The following CNBD1 variants were observed in gnomAD, a reference collection of about 807,000 sequenced individuals.
CNBD1 encodes cyclic nucleotide binding domain containing 1.
Under a neutral mutation model 54.4 loss-of-function variants are expected in CNBD1, and 71 were observed. The ratio of observed to expected loss-of-function variants is 1.30; its 90% CI spans 1.08 to 1.59. CNBD1 has a LOEUF of 1.59. Among genes scored for constraint, CNBD1 ranks in the 40% most tolerant of loss-of-function variants. The probability of loss-of-function intolerance (pLI) is 0.00; values close to 1 mark genes in which losing one functional copy is unlikely to be tolerated. For missense variants in CNBD1, 659 were observed against 518.0 expected (o/e 1.27, Z -2.64); for synonymous variants, 182 against 170.7 (o/e 1.07, Z -0.51).
chr8:87,162,649 A>T (rs1812881530), intron 4 of CNBD1, among the ~76,000 whole-genome samples: 1 of 152,088 alleles, frequency 6.6e-6, no homozygotes, highest in Admixed American at 6.6e-5. Flanking sequence ...ATTTTTCCAC[A>T]GCTATGTAAG....
intron 10 of CNBD1, among the ~76,000 whole-genome samples, chr8:87,368,396 G>A (rs1810687380): frequency 1.3e-5 from 2 of 152,080 alleles, no homozygotes; most frequent in Admixed American, 1.3e-4. Context: ...AGCATTTTAG[G>A]AGGCTGAAGT....
intron 4 of CNBD1, among the ~76,000 whole-genome samples, chr8:87,120,295 C>T (rs1811863803): frequency 6.6e-6 from 1 of 151,942 alleles, no homozygotes; most frequent in Non-Finnish European, 1.5e-5. Flanking sequence ...CTGATTCAAT[C>T]GTGGTAGGCT....
At chr8:87,355,179 C>T (rs953150287) in intron 10 of CNBD1, among the ~76,000 whole-genome samples, 5 of 152,194 alleles carry the variant, frequency 3.3e-5, no homozygotes, top group African/African-American at 9.6e-5. Flanking sequence ...TACACTGCCC[C>T]TTTTATAATA....
downstream of CNBD1, among the ~76,000 whole-genome samples, chr8:87,386,735 C>G (rs1370473762): frequency 1.3e-5 from 2 of 152,122 alleles, no homozygotes; most frequent in African/African-American, 4.8e-5. Context: ...GGCCAACATT[C>G]AAATTCAGGA....
Position 87,308,990 on chromosome 8 carries a change from C to A in CNBD1, c.1042+22319C>A, listed in dbSNP as rs140103584. 2.6e-4 allele frequency among the ~76,000 whole-genome samples: 39 copies of A among 152,204 alleles called. No homozygotes were observed. In the East Asian group the frequency reaches 7.0e-3, roughly 27 times the overall value. On this transcript the variant is annotated intron_variant, in intron 8 of 10. Transcript: ENST00000518476. Reference sequence around the variant, plus strand: ...CCACATTTTCTTTATCCATTCATTTCTTGATGGACATTTACATAGATTCCA... The same window carrying A: ...CCACATTTTCTTTATCCATTCATTTATTGATGGACATTTACATAGATTCCA...
At chr8:87,360,494 T>C (rs1036506584) in intron 10 of CNBD1, among the ~76,000 whole-genome samples, 1 of 151,878 alleles carries the variant, frequency 6.6e-6, no homozygotes, top group African/African-American at 2.4e-5. Context: ...ATGTAGTTTA[T>C]TATTATTTTT....
intron 1 of CNBD1, among the ~76,000 whole-genome samples, chr8:86,883,636 A>C (rs1461549639): frequency 6.6e-6 from 1 of 152,168 alleles, no homozygotes; most frequent in Non-Finnish European, 1.5e-5. Context: ...CAAACATCAC[A>C]CAGGGCGTAG....
At chr8:87,349,682 A>G (rs1810245654) in intron 8 of CNBD1, among the ~76,000 whole-genome samples, 1 of 152,036 alleles carries the variant, frequency 6.6e-6, no homozygotes, top group South Asian at 2.1e-4. Context: ...ACCAGAATAT[A>G]TGATTTTTAT....
chr8:87,327,133 G>A (rs1187768787), intron 8 of CNBD1, among the ~76,000 whole-genome samples: 1 of 143,164 alleles, frequency 7.0e-6, no homozygotes, highest in Non-Finnish European at 1.5e-5. Context: ...AGGGGTCAGG[G>A]ACCCACTTGA....
rs146472328 is a variant in CNBD1, at chr8:87,179,286, G to A, written c.432-26707G>A. On this transcript the variant is annotated intron_variant, in intron 4 of 10. Coordinates refer to ENST00000518476, the MANE Select transcript of CNBD1 (RefSeq NM_173538.3). ...TATTTGGAGTTAATTGGAGATAAAA[G>A]ATATTCATAAAATAATGTATAGAAT... is the stretch of plus-strand genomic sequence containing the variant. Among the ~76,000 whole-genome samples the A allele has an allele frequency of 6.7e-3, 1,011 of 151,944 alleles. 11 individuals are homozygous for A. Among genetic ancestry groups the A allele is most frequent in the African/African-American group, 0.023 (948 of 41,256 alleles).
At chr8:87,319,574 A>T (rs1809476911) in intron 8 of CNBD1, among the ~76,000 whole-genome samples, 3 of 152,100 alleles carry the variant, frequency 2.0e-5, no homozygotes. Context: ...CTATACAAAA[A>T]AGTTACAGGA....
chr8:86,992,219 A>G (rs1440964175), intron 4 of CNBD1, among the ~76,000 whole-genome samples: 1 of 151,852 alleles, frequency 6.6e-6, no homozygotes, highest in Non-Finnish European at 1.5e-5. Context: ...TGTTTAGTAT[A>G]GTTAAGTCTT....
intron 4 of CNBD1, among the ~76,000 whole-genome samples, chr8:87,036,904 C>G (rs1348499805): frequency 6.6e-6 from 1 of 152,242 alleles, no homozygotes; most frequent in African/African-American, 2.4e-5. Context: ...CTAAGATTTT[C>G]TTTGCCTTCA....
intron 2 of CNBD1, among the ~76,000 whole-genome samples, chr8:87,396,952 G>T (rs1811417998): frequency 6.7e-6 from 1 of 149,466 alleles, no homozygotes; most frequent in African/African-American, 2.5e-5. Context: ...GTAATTCATG[G>T]ATTAATCCCT....
chr8:87,188,708 G>A (rs1813533347), intron 4 of CNBD1, among the ~76,000 whole-genome samples: 1 of 148,620 alleles, frequency 6.7e-6, no homozygotes, highest in Non-Finnish European at 1.5e-5. Context: ...CGATGATCAT[G>A]CCACTGCACT....
At chr8:87,401,102 C>G (rs1041974811) in intron 2 of CNBD1, among the ~76,000 whole-genome samples, 2 of 151,924 alleles carry the variant, frequency 1.3e-5, no homozygotes, top group Non-Finnish European at 2.9e-5. Flanking sequence ...AGTGAGGCAA[C>G]AAAAATTCCT....
chr8:87,386,157 T>A (rs1269699407), downstream of CNBD1, among the ~76,000 whole-genome samples: 1 of 151,828 alleles, frequency 6.6e-6, no homozygotes, highest in Non-Finnish European at 1.5e-5. Context: ...ATCACAAAGT[T>A]GGGGAAAAAA....
At chr8:87,103,068 G>C (rs1186085813) in intron 4 of CNBD1, among the ~76,000 whole-genome samples, 1 of 152,196 alleles carries the variant, frequency 6.6e-6, no homozygotes, top group Non-Finnish European at 1.5e-5. Context: ...TTGAAAAGAA[G>C]ATGATGAGTT....
chr8:87,057,295 G>A (rs1267941088), intron 4 of CNBD1, among the ~76,000 whole-genome samples: 2 of 152,132 alleles, frequency 1.3e-5, no homozygotes, highest in African/African-American at 2.4e-5. Context: ...TCTTCACATG[G>A]CAGCAGGAAA....
Sources: allele counts gnomAD v4.1 joint callset (sites outside exome capture counted in the v4.1 genomes callset), GRCh38; gene constraint gnomAD v4.1.1; transcripts MANE v1.5; gene names NCBI Gene and HGNC (gene_info 2026-07-23, HGNC 2026-07-21).